The following FBXO34 variants were observed in gnomAD, a reference collection of about 807,000 sequenced individuals.
FBXO34 encodes F-box protein 34, also known as F-box only protein 34.
FBXO34 carries 12 observed loss-of-function variants against 24.5 expected under a neutral mutation model. The observed-to-expected ratio is 0.49, with a 90% CI of 0.31 to 0.79. The LOEUF (loss-of-function observed/expected upper bound fraction) is 0.79, where lower values mean the gene tolerates loss of function less well. Ranked by LOEUF, FBXO34 falls within the 30% of genes least tolerant of loss-of-function variation. The probability of loss-of-function intolerance (pLI) is 0.04; values close to 1 mark genes in which losing one functional copy is unlikely to be tolerated. For missense variants in FBXO34, 823 were observed against 857.7 expected (o/e 0.96, Z 0.51); for synonymous variants, 320 against 311.9 (o/e 1.03, Z -0.27).
At chr14:55,419,256 C>G in the FBXO34 span, among the ~76,000 whole-genome samples, 1 of 152,178 alleles carries the variant, frequency 6.6e-6, no homozygotes, top group Non-Finnish European at 1.5e-5. Flanking sequence ...TTTACTAAGC[C>G]GTTCCATTTT....
the FBXO34 span, among the ~76,000 whole-genome samples, chr14:55,432,243 T>G: frequency 3.9e-5 from 2 of 50,662 alleles, no homozygotes; most frequent in Non-Finnish European, 8.4e-5. Context: ...CCCCCGTCTC[T>G]ACAAAAAAAA....
rs115440314 is a variant in FBXO34, at chr14:55,327,808, G to A, written c.-10-22573G>A. ...GGTAGTGCCAAACCCTATATATATT[G>A]TGCACGAAATCTTTTTTCATTCGCA... On this transcript the variant is annotated intron_variant, in intron 1 of 1. Coordinates refer to ENST00000313833, the MANE Select transcript of FBXO34 (RefSeq NM_017943.4). Among the ~76,000 whole-genome samples the A allele has an allele frequency of 4.6e-3, 691 of 149,550 alleles. 6 individuals are homozygous for A. Among genetic ancestry groups the A allele is most frequent in the African/African-American group, 0.016 (660 of 40,588 alleles).
At chr14:55,437,121 G>GT in the FBXO34 span, 11 of 989,984 alleles carry the variant, frequency 1.1e-5, no homozygotes, top group Non-Finnish European at 1.7e-5. Flanking sequence ...TGTATTCAGT[G>GT]TAAGAGGCAG....
chr14:55,275,376 T>G (rs1881298389), intron 1 of FBXO34, among the ~76,000 whole-genome samples: 1 of 152,200 alleles, frequency 6.6e-6, no homozygotes, highest in Admixed American at 6.5e-5. Flanking sequence ...AGCAAACATT[T>G]TTTTGAGTAT....
At chr14:55,349,301 C>G (rs779760326) in intron 1 of FBXO34, among the ~76,000 whole-genome samples, 9 of 152,086 alleles carry the variant, frequency 5.9e-5, no homozygotes, top group Non-Finnish European at 1.2e-4. Context: ...GAACACTAGT[C>G]TCTGCATGTA....
chr14:55,431,708 C>A, the FBXO34 span, among the ~76,000 whole-genome samples: 2 of 152,136 alleles, frequency 1.3e-5, no homozygotes, highest in African/African-American at 4.8e-5. Context: ...AACAATGGAT[C>A]CTTCAATAAA....
In FBXO34 at chr14:55,351,557, A is replaced by G. The variant is rs35342573; in HGVS notation, c.1167A>G (p.Leu389=). ...GVSFHIDSAE[L]EPGSQTAVKN... ...GTTTCCACATAGACAGTGCAGAGTT[A>G]GAGCCGGGTTCGCAAACTGCCGTGA... The change falls in exon 2 of 2, where the codon TTA becomes TTG. Residue 389 remains leucine, a synonymous_variant. Transcript: ENST00000313833. The G allele has an allele frequency of 9.7e-3, 15,577 of 1,614,172 alleles. 128 individuals are homozygous for G. The highest frequency in any genetic ancestry group is 0.03 in the Middle Eastern group (180 of 6,062).
chr14:55,415,184 A>AGTGTCCTGAT, the FBXO34 span, among the ~76,000 whole-genome samples: 8 of 152,226 alleles, frequency 5.3e-5, no homozygotes, highest in Non-Finnish European at 1.2e-4. Flanking sequence ...ACTTATATTT[A>AGTGTCCTGAT]TATGGAGCTT....
At chr14:55,420,882 A>G in the FBXO34 span, among the ~76,000 whole-genome samples, 5 of 151,922 alleles carry the variant, frequency 3.3e-5, no homozygotes, top group Admixed American at 6.6e-5. Flanking sequence ...ACACGGTGAA[A>G]CCCCGTCTCT....
the FBXO34 span, among the ~76,000 whole-genome samples, chr14:55,387,914 G>A: frequency 4.6e-5 from 7 of 152,100 alleles, no homozygotes; most frequent in Non-Finnish European, 8.8e-5. Context: ...CGCCCGCCTC[G>A]GCCTCCCAAA....
chr14:55,377,872 A>G, the FBXO34 span: 5 of 1,606,626 alleles, frequency 3.1e-6, no homozygotes, highest in Admixed American at 8.6e-5. Context: ...TCCTGAGGGT[A>G]TGCAGTGGTT....
intron 1 of FBXO34, among the ~76,000 whole-genome samples, chr14:55,302,634 G>A (rs982304174): frequency 6.6e-6 from 1 of 151,274 alleles, no homozygotes; most frequent in Non-Finnish European, 1.5e-5. Context: ...AGATACAGGA[G>A]TCTTTTCAAG....
the FBXO34 span, among the ~76,000 whole-genome samples, chr14:55,422,940 T>C: frequency 6.6e-6 from 1 of 152,118 alleles, no homozygotes; most frequent in Admixed American, 6.5e-5. Flanking sequence ...TTCCCTCAAG[T>C]AGTTTTAAAA....
At chr14:55,369,633 T>G, downstream of FBXO34, 4 of 1,528,752 alleles carry the variant, frequency 2.6e-6, no homozygotes, top group Non-Finnish European at 3.5e-6. Context: ...CGGTGTCCAG[T>G]GTAAGCTTTA....
the FBXO34 span, chr14:55,385,920 A>G: frequency 6.2e-7 from 1 of 1,614,148 alleles, no homozygotes; most frequent in South Asian, 1.1e-5. Context: ...AATATATGGG[A>G]TCGTCGAAGA....
chr14:55,283,093 T>C (rs1881615467), intron 1 of FBXO34, among the ~76,000 whole-genome samples: 1 of 152,210 alleles, frequency 6.6e-6, no homozygotes, highest in South Asian at 2.1e-4. Flanking sequence ...CTTTCTTGGA[T>C]GAAGAGCTCT....
the FBXO34 span, among the ~76,000 whole-genome samples, chr14:55,418,627 C>G: frequency 2.0e-5 from 3 of 152,310 alleles, no homozygotes; most frequent in African/African-American, 7.2e-5. Context: ...GCCCTCTGAC[C>G]TACTCATTTC....
In FBXO34 at chr14:55,298,798, C is replaced by T. The variant is rs183613492; in HGVS notation, c.-11+27261C>T. ...AGGCACGGCACCAAAAACAAGCCCG[C>T]GGCCCTCCAGGCACTGAAGCGTAAG... On this transcript the variant is annotated intron_variant, in intron 1 of 1. Transcript: ENST00000313833. 5.5e-3 allele frequency: 8,836 copies of T among 1,608,348 alleles called. 47 individuals carry two copies. The highest frequency in any genetic ancestry group is 6.9e-3 in the Non-Finnish European group (8,143 of 1,175,188).
At chr14:55,430,005 A>T in the FBXO34 span, among the ~76,000 whole-genome samples, 1 of 152,094 alleles carries the variant, frequency 6.6e-6, no homozygotes, top group East Asian at 1.9e-4. Flanking sequence ...ACTCAACACA[A>T]GAAGGACAGG....
Sources: gnomAD v4.1 joint callset for allele counts (sites outside exome capture counted in the v4.1 genomes callset) on GRCh38, gnomAD v4.1.1 for gene constraint, MANE v1.5 for transcripts, NCBI Gene and HGNC (gene_info 2026-07-23, HGNC 2026-07-21) for gene names.